The following CRTAC1 variants were observed in gnomAD, a reference collection of about 807,000 sequenced individuals.
The protein encoded by CRTAC1 is acidic secreted protein in cartilage.
CRTAC1 carries 37 observed loss-of-function variants against 67.8 expected under a neutral mutation model. The observed-to-expected ratio is 0.55, with a 90% confidence interval of 0.42 to 0.72. The LOEUF is 0.72. Among genes scored for constraint, CRTAC1 ranks in the 30% least tolerant of loss-of-function variants. CRTAC1 has a pLI of 0.00. For missense variants in CRTAC1, 780 were observed against 931.6 expected, an observed-to-expected ratio of 0.84 and a Z score of 2.12; for synonymous variants, 348 against 371.0, an observed-to-expected ratio of 0.94 and a Z score of 0.71.
At chr10:98,017,176 C>T (rs1420574318) in intron 1 of CRTAC1, among the ~76,000 whole-genome samples, 1 of 152,196 alleles carries the variant, frequency 6.6e-6, no homozygotes, top group Non-Finnish European at 1.5e-5. Flanking sequence ...TAGAGAAGTA[C>T]ACAGTACACA....
At chr10:98,027,013 A>G (rs188016594) in intron 1 of CRTAC1, among the ~76,000 whole-genome samples, 1,652 of 152,274 alleles carry the variant, frequency 0.011, 29 homozygotes, top group African/African-American at 0.034. Context: ...TAAAAATACA[A>G]AAAGTTAGCC....
At chr10:97,876,888 T>C (rs569342437) in intron 14 of CRTAC1, among the ~76,000 whole-genome samples, 53 of 148,396 alleles carry the variant, frequency 3.6e-4, no homozygotes, top group Admixed American at 1.4e-3. Flanking sequence ...AGTAGATGCA[T>C]TGAATTTGAG....
intron 2 of CRTAC1, among the ~76,000 whole-genome samples, chr10:98,004,220 T>C (rs546663211): frequency 6.6e-6 from 1 of 152,286 alleles, no homozygotes; most frequent in African/African-American, 2.4e-5. Context: ...ATTTAAGAAA[T>C]ATATTTTTGC....
In CRTAC1 at chr10:97,878,549, C is replaced by T. The variant is rs145624841; in HGVS notation, c.1819+1700G>A. The T allele has an allele frequency of 1.7e-5, 21 of 1,241,684 alleles. No individual in the cohort carries two copies. The East Asian group carries it at 1.1e-3, about 66-fold the overall frequency. 76.9% of individuals were successfully genotyped at this position (1,241,684 alleles called of 1,614,324 possible). A position where few individuals can be genotyped will look rare whatever the true frequency, so the allele number is the denominator to read the frequency against. On this transcript the variant is annotated intron_variant, in intron 14 of 14. Coordinates refer to ENST00000370597, the MANE Select transcript of CRTAC1 (RefSeq NM_018058.7). ...CTTTTTTTCCCCATGAAGAATAGAT[C>T]TATGTTTTATAACAAGCCTTCACTA...
chr10:98,007,497 G>C (rs978106998), intron 2 of CRTAC1, among the ~76,000 whole-genome samples: 1 of 152,222 alleles, frequency 6.6e-6, no homozygotes, highest in African/African-American at 2.4e-5. Context: ...CAGCCACAAA[G>C]AAAGCCTGAC....
At chr10:97,967,352 T>C (rs2051635089) in intron 2 of CRTAC1, among the ~76,000 whole-genome samples, 2 of 152,216 alleles carry the variant, frequency 1.3e-5, no homozygotes, top group South Asian at 4.1e-4. Context: ...CCTTACTGTC[T>C]GCACTACCAG....
intron 14 of CRTAC1, among the ~76,000 whole-genome samples, chr10:97,877,059 C>A (rs2050156706): frequency 7.2e-6 from 1 of 138,600 alleles, no homozygotes; most frequent in Admixed American, 8.2e-5. Flanking sequence ...ACACAAGCAT[C>A]TTGGGGGCAG....
intron 3 of CRTAC1, among the ~76,000 whole-genome samples, chr10:97,933,396 G>C (rs560147166): frequency 3.3e-4 from 51 of 152,336 alleles, no homozygotes; most frequent in Non-Finnish European, 6.3e-4. Flanking sequence ...CGCCTTCACC[G>C]TGTCTGCCTT....
chr10:97,978,588 C>T (rs898397466), intron 2 of CRTAC1, among the ~76,000 whole-genome samples: 13 of 152,170 alleles, frequency 8.5e-5, no homozygotes, highest in African/African-American at 3.1e-4. Context: ...GCTGCTTGCT[C>T]CCCATGACAC....
chr10:97,959,691 A>G (rs1355443688), intron 2 of CRTAC1, among the ~76,000 whole-genome samples: 1 of 152,216 alleles, frequency 6.6e-6, no homozygotes, highest in African/African-American at 2.4e-5. Context: ...ACTGGGCCAT[A>G]GGTAAGGCGG....
At position 97,933,542 on chromosome 10, in the gene CRTAC1, A is replaced by T. The variant is rs188198401; in HGVS notation, c.421+2628T>A. 5.3e-4 allele frequency among the ~76,000 whole-genome samples: 81 copies of T among 152,382 alleles called. 1 individual carries two copies. Among genetic ancestry groups the T allele is most frequent in the African/African-American group, 1.9e-3 (79 of 41,600 alleles). On this transcript the variant is annotated intron_variant, in intron 3 of 14. Transcript: ENST00000370597. ...TGTCTGGCTGGGGCCAAAGGGGGCCACAACATGAACGTACAAGGCTTTGCC... is the reference window on the plus strand; with the variant it reads ...TGTCTGGCTGGGGCCAAAGGGGGCCTCAACATGAACGTACAAGGCTTTGCC...
At chr10:97,976,932 G>T (rs1380957541) in intron 2 of CRTAC1, among the ~76,000 whole-genome samples, 2 of 152,172 alleles carry the variant, frequency 1.3e-5, no homozygotes, top group African/African-American at 4.8e-5. Flanking sequence ...GACAAATATA[G>T]GCTAGCTCAG....
intron 2 of CRTAC1, among the ~76,000 whole-genome samples, chr10:98,006,298 T>G (rs1842788607): frequency 6.6e-6 from 1 of 152,206 alleles, no homozygotes; most frequent in South Asian, 2.1e-4. Context: ...TCCTAAATGG[T>G]CTGTGCGTGC....
At chr10:97,931,447 A>C (rs1460556607) in intron 3 of CRTAC1, among the ~76,000 whole-genome samples, 1 of 152,264 alleles carries the variant, frequency 6.6e-6, no homozygotes, top group African/African-American at 2.4e-5. Context: ...GTAATCTTTC[A>C]TCAATAGAGG....
At chr10:98,011,365 G>A (rs367994741) in intron 1 of CRTAC1, 28 bp from the exon 2 acceptor site, 193 of 1,611,816 alleles carry the variant, frequency 1.2e-4, no homozygotes, top group Non-Finnish European at 1.3e-4. Flanking sequence ...AAATGTTACC[G>A]AAAGAACCTG....
At chr10:97,887,998 C>G (rs2050311843) in intron 11 of CRTAC1, among the ~76,000 whole-genome samples, 1 of 152,250 alleles carries the variant, frequency 6.6e-6, no homozygotes. Context: ...TCATTTCTGC[C>G]TTAGAGATGA....
intron 1 of CRTAC1, among the ~76,000 whole-genome samples, chr10:98,025,659 T>C (rs1175678921): frequency 2.0e-5 from 3 of 152,248 alleles, no homozygotes; most frequent in African/African-American, 4.8e-5. Context: ...CACAGGTTTA[T>C]GTCCCCTAAG....
rs576043716 is a variant in CRTAC1, at chr10:97,917,591, G to A, written c.624C>T (p.Leu208=). 6.5e-5 allele frequency: 104 copies of A among 1,603,086 alleles called. 3 individuals are homozygous for A. In the South Asian group the frequency reaches 1.2e-3, roughly 18 times the overall value. The change falls in exon 5 of 15, where the codon CTC becomes CTT. Residue 208 remains leucine, a synonymous_variant. Coordinates refer to ENST00000370597, the MANE Select transcript of CRTAC1 (RefSeq NM_018058.7). Reference sequence around the variant, plus strand: ...CACTGGCCTCAGGGTCCATTTCAATGAGGGCATCAGGGCCCACATTACCGT... The same window carrying A: ...CACTGGCCTCAGGGTCCATTTCAATAAGGGCATCAGGGCCCACATTACCGT... ...YAYGNVGPDA[L]IEMDPEASDL...
chr10:97,955,422 G>A (rs894433016), intron 2 of CRTAC1, among the ~76,000 whole-genome samples: 5 of 152,168 alleles, frequency 3.3e-5, no homozygotes, highest in Non-Finnish European at 5.9e-5. Context: ...AACCACCCCT[G>A]TACACTGCAC....
Sources: gnomAD v4.1 joint callset for allele counts (sites outside exome capture counted in the v4.1 genomes callset) on GRCh38, gnomAD v4.1.1 for gene constraint, MANE v1.5 for transcripts, NCBI Gene and HGNC (gene_info 2026-07-23, HGNC 2026-07-21) for gene names.